Variants in DPF3 observed in about 807,000 individuals in gnomAD.
The protein encoded by DPF3 is double PHD fingers 3, also known as zinc finger protein DPF3.
In DPF3, 18 loss-of-function variants were observed where a neutral mutation model predicts 56.8. That is an observed-to-expected ratio of 0.32 (90% CI 0.22 to 0.47). DPF3 has a LOEUF of 0.47. DPF3 is among the 20% of genes least tolerant of loss of function. DPF3 has a pLI of 1.00. For synonymous variants in DPF3, 188 were observed against 180.2 expected (o/e 1.04, Z -0.35); for missense variants, 403 against 488.8 (o/e 0.82, Z 1.65).
chr14:72,775,619 C>A (rs1380518772), intron 1 of DPF3, among the ~76,000 whole-genome samples: 1 of 152,136 alleles, frequency 6.6e-6, no homozygotes, highest in Non-Finnish European at 1.5e-5. Flanking sequence ...GTGAATGATA[C>A]CTGTCTTATG....
At chr14:72,685,741 A>G (rs1249162080) in intron 7 of DPF3, among the ~76,000 whole-genome samples, 1 of 152,232 alleles carries the variant, frequency 6.6e-6, no homozygotes, top group Non-Finnish European at 1.5e-5. Context: ...ACACTTAAGG[A>G]ATGCAAGCAA....
intron 1 of DPF3, chr14:72,892,648 A>G: frequency 9.2e-7 from 1 of 1,089,948 alleles, no homozygotes; most frequent in Non-Finnish European, 1.1e-6. Flanking sequence ...GAAGACGAGA[A>G]TGCGCTGAAT....
chr14:72,740,184 G>C (rs1305148200), intron 3 of DPF3, among the ~76,000 whole-genome samples: 1 of 152,168 alleles, frequency 6.6e-6, no homozygotes, highest in Non-Finnish European at 1.5e-5. Flanking sequence ...GGGATGGTAG[G>C]AGACCAGCTT....
intron 1 of DPF3, among the ~76,000 whole-genome samples, chr14:72,889,776 A>G (rs955247737): frequency 2.4e-4 from 37 of 152,386 alleles, no homozygotes; most frequent in African/African-American, 8.4e-4. Flanking sequence ...TTGGCTAAGT[A>G]AGTTTATTTT....
chr14:72,732,742 G>A (rs956109217), intron 3 of DPF3, among the ~76,000 whole-genome samples: 2 of 152,186 alleles, frequency 1.3e-5, no homozygotes, highest in African/African-American at 4.8e-5. Context: ...ACACCAGAGA[G>A]AAGCTGAACC....
intron 2 of DPF3, among the ~76,000 whole-genome samples, chr14:72,755,143 G>T (rs1048041003): frequency 6.6e-6 from 1 of 152,194 alleles, no homozygotes; most frequent in Non-Finnish European, 1.5e-5. Flanking sequence ...TTCCCCAGTG[G>T]CTGCTTTACG....
intron 1 of DPF3, among the ~76,000 whole-genome samples, chr14:72,863,824 G>C (rs1293405557): frequency 6.6e-6 from 1 of 152,190 alleles, no homozygotes; most frequent in African/African-American, 2.4e-5. Context: ...TCTGCTGGCA[G>C]GAATTAAGCA....
Position 72,706,595 on chromosome 14 carries a change from G to A in DPF3, c.604+7828C>T, listed in dbSNP as rs1347122839. 2.0e-5 allele frequency among the ~76,000 whole-genome samples: 3 copies of A among 152,108 alleles called. No individual in the cohort carries two copies. In the East Asian group the frequency reaches 5.8e-4, roughly 29 times the overall value. ...GCAAAATGACTTTCTCGATGTCACA[G>A]ATAACAAGCAGCAGAACCACTCCAA... On this transcript the variant is annotated intron_variant, in intron 6 of 10. Transcript: ENST00000556509.
intron 8 of DPF3, chr14:72,661,446 G>GT (rs1886206547): frequency 1.0e-6 from 1 of 985,302 alleles, no homozygotes; most frequent in South Asian, 4.7e-5. Flanking sequence ...GACTATTCGT[G>GT]TGTTATTATG....
chr14:72,782,697 A>G (rs111855534), intron 1 of DPF3, among the ~76,000 whole-genome samples: 21,400 of 152,006 alleles, frequency 0.14, 1,602 homozygotes, highest in Middle Eastern at 0.32. Context: ...GCCAGGTGTA[A>G]TGGCGGACAC....
intron 1 of DPF3, among the ~76,000 whole-genome samples, chr14:72,791,530 C>T (rs576038376): frequency 1.8e-4 from 27 of 152,234 alleles, no homozygotes; most frequent in Admixed American, 3.3e-4. Context: ...CAGAGAGCAT[C>T]GGGTCCAATG....
intron 8 of DPF3, among the ~76,000 whole-genome samples, chr14:72,650,510 GTT>G (rs1885877521): frequency 6.6e-6 from 1 of 152,180 alleles, no homozygotes; most frequent in African/African-American, 2.4e-5. Flanking sequence ...TCTGCTGTCT[GTT>G]TCCTTCTCTG....
intron 1 of DPF3, among the ~76,000 whole-genome samples, chr14:72,830,782 C>A (rs970443718): frequency 6.6e-6 from 1 of 152,210 alleles, no homozygotes; most frequent in Admixed American, 6.5e-5. Context: ...TTTCAATAAA[C>A]ACTTACCAAA....
At chr14:72,848,419 C>CT (rs1305243154) in intron 1 of DPF3, among the ~76,000 whole-genome samples, 1 of 152,156 alleles carries the variant, frequency 6.6e-6, no homozygotes, top group African/African-American at 2.4e-5. Flanking sequence ...CCCGCCTTGG[C>CT]CTCCCAAAGT....
intron 1 of DPF3, among the ~76,000 whole-genome samples, chr14:72,784,320 T>G (rs1409786859): frequency 6.6e-6 from 1 of 152,118 alleles, no homozygotes; most frequent in Non-Finnish European, 1.5e-5. Context: ...AAAAATACAC[T>G]GGGAACCAAG....
chr14:72,817,555 T>G (rs1164146419), intron 1 of DPF3, among the ~76,000 whole-genome samples: 1 of 152,142 alleles, frequency 6.6e-6, no homozygotes, highest in Admixed American at 6.5e-5. Flanking sequence ...AAGCCGGTAG[T>G]CCCAGCTACT....
chr14:72,717,391 A>G (rs1419941739), intron 5 of DPF3, among the ~76,000 whole-genome samples: 2 of 152,172 alleles, frequency 1.3e-5, no homozygotes, highest in Non-Finnish European at 2.9e-5. Flanking sequence ...AGTGTGTGAA[A>G]CCACAGGGGA....
At chr14:72,840,154 T>C (rs899537426) in intron 1 of DPF3, among the ~76,000 whole-genome samples, 6 of 152,210 alleles carry the variant, frequency 3.9e-5, no homozygotes, top group African/African-American at 1.4e-4. Context: ...GTGTCTGGAC[T>C]CAGCCGCCCA....
At chr14:72,697,349 G>A (rs918321478) in intron 6 of DPF3, among the ~76,000 whole-genome samples, 1 of 152,174 alleles carries the variant, frequency 6.6e-6, no homozygotes, top group African/African-American at 2.4e-5. Context: ...GAGGTGGGTT[G>A]GATACAGGGT....
Sources: allele counts gnomAD v4.1 joint callset (sites outside exome capture counted in the v4.1 genomes callset), GRCh38; gene constraint gnomAD v4.1.1; transcripts MANE v1.5; gene names NCBI Gene and HGNC (gene_info 2026-07-23, HGNC 2026-07-21).